Variants in ZNF32 observed in about 807,000 individuals in gnomAD.
ZNF32 encodes C2H2-546.
Under a neutral mutation model 24.4 loss-of-function variants are expected in ZNF32, and 13 were observed. The ratio of observed to expected loss-of-function variants is 0.53; its 90% CI spans 0.35 to 0.85. The LOEUF (loss-of-function observed/expected upper bound fraction) is 0.85, where lower values mean the gene tolerates loss of function less well. Ranked by LOEUF, ZNF32 falls within the 40% of genes least tolerant of loss-of-function variation. ZNF32 has a pLI of 0.01. For missense variants in ZNF32, 239 were observed against 325.3 expected (o/e 0.73, Z 2.04); for synonymous variants, 115 against 117.4 (o/e 0.98, Z 0.13).
At position 43,644,930 on chromosome 10, in the gene ZNF32, C is replaced by A; in HGVS notation, c.71-129G>T. Reference sequence around the variant, plus strand: ...TATTCTTTGCATAGACAATGCAATCCTGAAAACAATGCCATGAGAGTGATA... The same window carrying A: ...TATTCTTTGCATAGACAATGCAATCATGAAAACAATGCCATGAGAGTGATA... On this transcript the variant is annotated intron_variant, in intron 2 of 2. Coordinates refer to ENST00000374433, the MANE Select transcript of ZNF32 (RefSeq NM_006973.3). The surrounding 1 kb of genome is among the most constrained non-coding windows in gnomAD (Gnocchi z 5.3). 1.9e-6 allele frequency: 2 copies of A among 1,052,928 alleles called. No homozygotes were observed. Among genetic ancestry groups the A allele is most frequent in the South Asian group, 1.7e-5 (1 of 59,250 alleles). 65.2% of individuals were successfully genotyped at this position (1,052,928 alleles called of 1,614,324 possible). A position where few individuals can be genotyped will look rare whatever the true frequency, so the allele number is the denominator to read the frequency against.
Position 43,644,299 on chromosome 10 carries a change from A to G in ZNF32, c.573T>C (p.Cys191=). 6.2e-7 allele frequency: 1 copy of G among 1,614,204 alleles called. No homozygotes were observed. The highest frequency in any genetic ancestry group is 8.5e-7 in the Non-Finnish European group (1 of 1,180,030). Residue 191 remains cysteine (C), a synonymous_variant, in exon 3 of 3, where the codon TGT becomes TGC. Transcript: ENST00000374433. This position sits in a 1 kb window ranked among gnomAD's most constrained non-coding sequence, Gnocchi z 5.3. ...RVHSGEKPYR[C]DQCGKAFSQK... ...GACTGAAGGCTTTTCCACACTGATC[A>G]CATCTATAGGGCTTCTCACCACTGT...
Position 43,644,335 on chromosome 10 carries a change from G to A in ZNF32, c.537C>T (p.His179=), listed in dbSNP as rs200492349. The A allele has an allele frequency of 5.0e-6, 8 of 1,613,954 alleles. No individual in the cohort carries two copies. The highest frequency in any genetic ancestry group is 6.8e-6 in the Non-Finnish European group (8 of 1,179,938). Reference sequence around the variant, plus strand: ...GCTTCTCACCACTGTGAACTCTCCTGTGAACAGCAAGGTTACTCTGATTCC... The same window carrying A: ...GCTTCTCACCACTGTGAACTCTCCTATGAACAGCAAGGTTACTCTGATTCC... ...SFRNQSNLAV[H]RRVHSGEKPY... The change falls in exon 3 of 3, where the codon CAC becomes CAT. Residue 179 remains histidine (H), a synonymous_variant. Transcript: ENST00000374433. This position sits in a 1 kb window ranked among gnomAD's most constrained non-coding sequence, Gnocchi z 5.3.
Sources: gnomAD v4.1 joint callset for allele counts on GRCh38, gnomAD v4.1.1 for gene constraint, Gnocchi (gnomAD v3.1) non-coding constraint, MANE v1.5 for transcripts, NCBI Gene and HGNC (gene_info 2026-07-23, HGNC 2026-07-21) for gene names.